PARP4: variants seen among roughly 807,000 people sequenced by gnomAD.
PARP4 encodes the protein protein mono-ADP-ribosyltransferase PARP4.
Under a neutral mutation model 187.7 loss-of-function variants are expected in PARP4, and 120 were observed. The ratio of observed to expected loss-of-function variants is 0.64; its 90% CI spans 0.55 to 0.74. PARP4 has a LOEUF of 0.74. Among genes scored for constraint, PARP4 ranks in the 30% least tolerant of loss-of-function variants. PARP4 has a pLI of 0.00. For synonymous variants in PARP4, 654 were observed against 740.9 expected (o/e 0.88, Z 1.90); for missense variants, 1,836 against 2,070.5 (o/e 0.89, Z 2.20).
intron 17 of PARP4, among the ~76,000 whole-genome samples, chr13:24,462,235 G>A (rs1872246246): frequency 6.6e-6 from 1 of 152,176 alleles, no homozygotes; most frequent in Admixed American, 6.6e-5. Flanking sequence ...CGGACAGTGT[G>A]CAGAGTCTGC....
At chr13:24,496,044 C>T (rs149096330) in intron 6 of PARP4, among the ~76,000 whole-genome samples, 11,967 of 145,484 alleles carry the variant, frequency 0.082, 640 homozygotes, top group Non-Finnish European at 0.12. Context: ...CACGATGCTA[C>T]GGTTTTCTTT....
At position 24,460,099 on chromosome 13, in the gene PARP4, T is replaced by G. The variant is rs76922420; in HGVS notation, c.2171A>C (p.Lys724Thr). 2.9e-3 allele frequency: 4,622 copies of G among 1,613,648 alleles called. 16 individuals are homozygous for G. The highest frequency in any genetic ancestry group is 3.5e-3 in the Non-Finnish European group (4,143 of 1,179,774). ...FTVSVGNLPP[K>T]AKVLIKITYI... ...GGTAATTTTTATAAGAACCTTAGCCTTAGGGGGTAAGTTTCCAACACTTAC... is the reference window on the plus strand; with the variant it reads ...GGTAATTTTTATAAGAACCTTAGCCGTAGGGGGTAAGTTTCCAACACTTAC... Residue 724 changes from lysine to threonine, a missense_variant, in exon 18 of 34, where the codon AAG becomes ACG. This residue lies in a region of PARP4 where 1,147 missense variants were observed against 1,214.2 expected (regional missense o/e 0.94). Coordinates refer to ENST00000381989, the MANE Select transcript of PARP4 (RefSeq NM_006437.4).
intron 25 of PARP4, among the ~76,000 whole-genome samples, chr13:24,449,342 G>C (rs561196890): frequency 2.6e-4 from 36 of 140,700 alleles, no homozygotes; most frequent in Non-Finnish European, 4.7e-4. Context: ...GAGCCGAGAT[G>C]GCGCCACTGC....
rs199938923 is a variant in PARP4 at position 24,435,203 on chromosome 13, G to C, written c.3938C>G (p.Ser1313Cys). The C allele has an allele frequency of 2.5e-5, 41 of 1,614,186 alleles. No homozygotes were observed. The East Asian group carries it at 8.9e-4, about 35-fold the overall frequency. Residue 1313 changes from serine to cysteine, a missense_variant, in exon 31 of 34, where the codon TCT (serine) becomes TGT (cysteine). By Grantham distance (112) the Ser-to-Cys change is moderately radical. Coordinates refer to ENST00000381989, the MANE Select transcript of PARP4 (RefSeq NM_006437.4). ...KKVSPWETST[S>C]SFFPILAPAV... is the part of the protein sequence containing the mutation. ...CGGAGCCAAAATAGGAAAAAAGCTA[G>C]AAGTAGATGTTTCCCATGGACTGAC...
chr13:24,425,176 CT>C (rs1329501971), intron 33 of PARP4, among the ~76,000 whole-genome samples: 1 of 152,016 alleles, frequency 6.6e-6, no homozygotes, highest in African/African-American at 2.4e-5. Flanking sequence ...TGGTGCACAC[CT>C]GTAGTCCCAG....
Position 24,452,895 on chromosome 13 carries a change from T to TC in PARP4, c.2827-303dup, listed in dbSNP as rs1356772899. Among the ~76,000 whole-genome samples, 13 of 152,148 alleles carry TC rather than the reference T, an allele frequency of 8.5e-5. No homozygotes were observed. The East Asian group carries it at 2.5e-3, about 29-fold the overall frequency. On this transcript the variant is annotated intron_variant, in intron 23 of 33. Coordinates refer to ENST00000381989, the MANE Select transcript of PARP4 (RefSeq NM_006437.4). Reference sequence around the variant, plus strand: ...TTGCCAGCCTGGCTGAGGCAGCTGGTCAGTCTCAGCTTGCTCAATTTTATT... The same window carrying TC: ...TTGCCAGCCTGGCTGAGGCAGCTGGTCCAGTCTCAGCTTGCTCAATTTTATT...
intron 15 of PARP4, among the ~76,000 whole-genome samples, chr13:24,474,011 C>A (rs1206109142): frequency 6.6e-6 from 1 of 152,126 alleles, no homozygotes; most frequent in Non-Finnish European, 1.5e-5. Flanking sequence ...CTTATAAGTC[C>A]AACTTGGGTC....
At chr13:24,469,718 A>G (rs1872648836) in intron 16 of PARP4, among the ~76,000 whole-genome samples, 176 bp downstream of exon 16, 1 of 152,208 alleles carries the variant, frequency 6.6e-6, no homozygotes, top group African/African-American at 2.4e-5. Flanking sequence ...TTCATCACGG[A>G]GGGATGCTTG....
intron 30 of PARP4, among the ~76,000 whole-genome samples, chr13:24,441,283 C>T (rs1260661432): frequency 3.9e-5 from 6 of 152,146 alleles, no homozygotes; most frequent in African/African-American, 9.7e-5. Context: ...GGATTACAGG[C>T]GTGAACCACG....
chr13:24,426,365 A>AAAGTC, intron 33 of PARP4, 101 bp downstream of exon 33: 5 of 906,504 alleles, frequency 5.5e-6, no homozygotes, highest in South Asian at 1.7e-5. Flanking sequence ...ACATACTTAT[A>AAAGTC]GTGTACACAT....
At chr13:24,512,413 G>A (rs907352896) in intron 1 of PARP4, among the ~76,000 whole-genome samples, 1 of 152,234 alleles carries the variant, frequency 6.6e-6, no homozygotes, top group African/African-American at 2.4e-5. Flanking sequence ...GCACCGCACG[G>A]GGTGCGGAGA....
At chr13:24,459,812 T>C (rs879642849) in intron 18 of PARP4, among the ~76,000 whole-genome samples, 160 bp downstream of exon 18, 1 of 152,244 alleles carries the variant, frequency 6.6e-6, no homozygotes, top group Admixed American at 6.5e-5. Flanking sequence ...CTTTTCATTT[T>C]ATACACATAA....
At chr13:24,421,587 G>A (rs536384403) in intron 33 of PARP4, among the ~76,000 whole-genome samples, 3 of 152,240 alleles carry the variant, frequency 2.0e-5, no homozygotes, top group East Asian at 1.9e-4. Flanking sequence ...CGTTCCAGCC[G>A]CTCTACAGTT....
chr13:24,429,963 G>A (rs1183281526), intron 32 of PARP4, among the ~76,000 whole-genome samples: 4 of 152,122 alleles, frequency 2.6e-5, no homozygotes, highest in Non-Finnish European at 5.9e-5. Flanking sequence ...ATGCCTTTAG[G>A]TGACAAGCTG....
chr13:24,452,150 T>C (rs1215381865), intron 24 of PARP4: 2 of 396,320 alleles, frequency 5.0e-6, no homozygotes, highest in Admixed American at 8.6e-5. Flanking sequence ...TCCTAGGAGG[T>C]AGGTATTTTC....
intron 25 of PARP4, among the ~76,000 whole-genome samples, chr13:24,447,395 C>T (rs1285072480): frequency 6.6e-6 from 1 of 152,156 alleles, no homozygotes; most frequent in African/African-American, 2.4e-5. Flanking sequence ...GAGTTTTGCT[C>T]TGTCGCCCAG....
chr13:24,456,394 C>T lies in PARP4; in HGVS notation c.2509G>A (p.Ala837Thr). ...SGFSLHIGLS[A>T]AYLPRMWVEK... ...ACCCACATTCTTGGGAGATAGGCAG[C>T]AGACAAACCGATGTGGAGAGAAAAT... The change falls in exon 21 of 34, where the codon GCT becomes ACT. Residue 837 changes from alanine to threonine, a missense_variant. By Grantham distance (58) the Ala-to-Thr change is moderately conservative (BLOSUM62 0). Transcript: ENST00000381989. 1.2e-6 allele frequency: 2 copies of T among 1,612,364 alleles called. No homozygotes were observed. The highest frequency in any genetic ancestry group is 1.7e-6 in the Non-Finnish European group (2 of 1,178,920).
intron 31 of PARP4, 130 bp from the exon 32 acceptor site, chr13:24,431,606 A>G (rs1870338841): frequency 1.5e-6 from 1 of 652,328 alleles, no homozygotes; most frequent in Non-Finnish European, 2.7e-6. Context: ...CAAGACAATT[A>G]GAAGCCCAAA....
intron 30 of PARP4, among the ~76,000 whole-genome samples, chr13:24,439,789 A>G (rs1420142144): frequency 6.6e-6 from 1 of 152,120 alleles, no homozygotes; most frequent in Admixed American, 6.5e-5. Flanking sequence ...TTTTTTCCCC[A>G]AAACAATGCA....
Sources: gnomAD v4.1 joint callset for allele counts (sites outside exome capture counted in the v4.1 genomes callset) on GRCh38, gnomAD v4.1.1 for gene constraint, gnomAD v4.1.1 regional missense constraint, MANE v1.5 for transcripts, NCBI Gene and HGNC (gene_info 2026-07-23, HGNC 2026-07-21) for gene names.